The following TRIO variants were observed in gnomAD, a reference collection of about 807,000 sequenced individuals.
TRIO encodes trio Rho guanine nucleotide exchange factor.
A neutral mutation model predicts 351.9 loss-of-function variants in TRIO; 58 were observed. The ratio of observed to expected loss-of-function variants is 0.16; its 90% CI spans 0.13 to 0.21. The LOEUF (loss-of-function observed/expected upper bound fraction) is 0.21. Ranked by LOEUF, TRIO falls within the 10% of genes least tolerant of loss-of-function variation. The probability of loss-of-function intolerance (pLI) is 1.00; values close to 1 mark genes in which losing one functional copy is unlikely to be tolerated. For synonymous variants in TRIO, 1,758 were observed against 1,595.7 expected (o/e 1.10, Z -2.42); for missense variants, 3,201 against 4,027.8 (o/e 0.79, Z 5.56).
chr5:14,386,701 CTTG>C (rs1237554820), intron 21 of TRIO, among the ~76,000 whole-genome samples: 1 of 152,168 alleles, frequency 6.6e-6, no homozygotes, highest in Non-Finnish European at 1.5e-5. Flanking sequence ...GTATATATAA[CTTG>C]TTGTATGGTT....
At chr5:14,340,683 G>C (rs1181140747) in intron 11 of TRIO, among the ~76,000 whole-genome samples, 1 of 152,158 alleles carries the variant, frequency 6.6e-6, no homozygotes. Flanking sequence ...CATTAGCTCA[G>C]GAATCTCTTT....
At chr5:14,245,002 G>A (rs2152239933) in intron 1 of TRIO, among the ~76,000 whole-genome samples, 1 of 152,298 alleles carries the variant, frequency 6.6e-6, no homozygotes, top group Middle Eastern at 3.4e-3. Flanking sequence ...TTGAACATCG[G>A]GAGCTATGCA....
chr5:14,288,474 C>T (rs910640976), intron 4 of TRIO, among the ~76,000 whole-genome samples: 2 of 152,072 alleles, frequency 1.3e-5, no homozygotes, highest in African/African-American at 4.8e-5. Context: ...TGAGACCATC[C>T]TGGCTAACAC....
chr5:14,487,490 A>G lies in TRIO; in HGVS notation c.6862A>G (p.Arg2288Gly). ...NALTSPIEYQ[R>G]NHSGGGGGGG... is the part of the protein sequence containing the mutation. ...CTTGACATCGCCAATCGAGTACCAG[A>G]GGAACCACAGCGGGGGCGGCGGCGG... Residue 2288 changes from arginine (R) to glycine (G), a missense_variant, in exon 48 of 57, where the codon AGG becomes GGG. By Grantham distance (125) the Arg-to-Gly change is moderately radical. Around this residue, in one of 19 missense-constraint regions of TRIO, gnomAD observed 1,089 missense variants for 954.9 expected, o/e 1.14. Transcript: ENST00000344204. The G allele has an allele frequency of 9.2e-7, 1 of 1,085,382 alleles. No homozygotes were observed. The highest frequency in any genetic ancestry group is 7.0e-5 in the East Asian group (1 of 14,334). The allele number at this position is 1,085,382 out of a possible 1,614,324, so 67.2% of individuals were successfully genotyped here.
At chr5:14,275,536 T>C (rs1735414809) in intron 2 of TRIO, among the ~76,000 whole-genome samples, 2 of 151,982 alleles carry the variant, frequency 1.3e-5, no homozygotes, top group Non-Finnish European at 2.9e-5. Context: ...CTAGTTTTTG[T>C]GTTTGCTTTC....
At chr5:14,307,530 G>T (rs1027820291) in intron 8 of TRIO, among the ~76,000 whole-genome samples, 1 of 152,174 alleles carries the variant, frequency 6.6e-6, no homozygotes, top group African/African-American at 2.4e-5. Context: ...TGCCTTTTTG[G>T]CAGTGCATGT....
At chr5:14,273,700 C>T (rs925685779) in intron 2 of TRIO, among the ~76,000 whole-genome samples, 1 of 152,200 alleles carries the variant, frequency 6.6e-6, no homozygotes, top group Non-Finnish European at 1.5e-5. Flanking sequence ...ACTACCAAAC[C>T]TCGTAAAAAT....
At position 14,291,784 on chromosome 5, in the gene TRIO, G is replaced by A. The variant is rs1274434907; in HGVS notation, c.1053+556G>A. Among the ~76,000 whole-genome samples the A allele has an allele frequency of 2.1e-4, 12 of 56,274 alleles. No homozygotes were observed. The East Asian group carries it at 2.1e-3, about 10-fold the overall frequency. The allele number at this position is 56,274 out of a possible 152,430, so 36.9% of individuals were successfully genotyped here. A position where few individuals can be genotyped will look rare whatever the true frequency, so the allele number is the denominator to read the frequency against. The stretch of plus-strand genomic sequence containing the variant: ...GGCCTGGGCGACAGAGTGAGACTCC[G>A]TCTTAAAAAAAAAAAAAAAAAAAAA... On this transcript the variant is annotated intron_variant, in intron 5 of 56. Transcript: ENST00000344204.
chr5:14,355,139 A>C (rs1743499609), intron 11 of TRIO, among the ~76,000 whole-genome samples: 1 of 152,162 alleles, frequency 6.6e-6, no homozygotes, highest in African/African-American at 2.4e-5. Context: ...CCACCCCACC[A>C]CCTGCATGTG....
chr5:14,445,339 A>G (rs563700404), intron 34 of TRIO, among the ~76,000 whole-genome samples: 1 of 152,334 alleles, frequency 6.6e-6, no homozygotes, highest in Admixed American at 6.5e-5. Context: ...CCCCCGCCAA[A>G]TATCTAGTTT....
intron 1 of TRIO, among the ~76,000 whole-genome samples, chr5:14,232,512 C>T (rs1793503741): frequency 6.6e-6 from 1 of 152,184 alleles, no homozygotes; most frequent in East Asian, 1.9e-4. Flanking sequence ...GTCCTGGACT[C>T]TAAGCTCCGC....
At chr5:14,157,092 C>A (rs976192302) in intron 1 of TRIO, among the ~76,000 whole-genome samples, 2 of 150,442 alleles carry the variant, frequency 1.3e-5, no homozygotes, top group African/African-American at 4.9e-5. Context: ...ATGGGTCGAG[C>A]GGACCTTTCT....
At chr5:14,149,684 ATT>A in intron 1 of TRIO, among the ~76,000 whole-genome samples, 1 of 152,178 alleles carries the variant, frequency 6.6e-6, no homozygotes. Flanking sequence ...TGAGTTTTAG[ATT>A]ACTGGCTCTT....
At chr5:14,425,648 A>AACC (rs372708665) in intron 34 of TRIO, among the ~76,000 whole-genome samples, 1 of 152,180 alleles carries the variant, frequency 6.6e-6, no homozygotes, top group East Asian at 1.9e-4. Flanking sequence ...GTTGAAATCT[A>AACC]ACCGCCAATG....
chr5:14,424,260 G>A (rs934971705), intron 34 of TRIO, among the ~76,000 whole-genome samples: 4 of 152,030 alleles, frequency 2.6e-5, no homozygotes, highest in African/African-American at 7.2e-5. Context: ...CAAAACTGCC[G>A]TTTCCTTACA....
intron 10 of TRIO, among the ~76,000 whole-genome samples, chr5:14,335,158 A>G (rs1741279904): frequency 1.3e-5 from 2 of 151,978 alleles, no homozygotes; most frequent in Non-Finnish European, 2.9e-5. Flanking sequence ...TATATTTATA[A>G]CTCCCTTTTC....
chr5:14,397,196 C>T, intron 29 of TRIO, 42 bp downstream of exon 29: 1 of 1,468,824 alleles, frequency 6.8e-7, no homozygotes, highest in Non-Finnish European at 9.3e-7. Flanking sequence ...TATGCAGTTT[C>T]TAATGACACT....
chr5:14,239,331 A>G (rs1220726818), intron 1 of TRIO, among the ~76,000 whole-genome samples: 2 of 151,952 alleles, frequency 1.3e-5, no homozygotes, highest in Non-Finnish European at 2.9e-5. Flanking sequence ...TCTTCCTTCT[A>G]TACTTAGTTG....
At chr5:14,330,349 G>A (rs2152315373) in intron 9 of TRIO, among the ~76,000 whole-genome samples, 1 of 152,302 alleles carries the variant, frequency 6.6e-6, no homozygotes, top group African/African-American at 2.4e-5. Context: ...AAATGACTCT[G>A]TAGTTAAACT....
Sources: gnomAD v4.1 joint callset for allele counts (sites outside exome capture counted in the v4.1 genomes callset) on GRCh38, gnomAD v4.1.1 for gene constraint, gnomAD v4.1.1 regional missense constraint, MANE v1.5 for transcripts, NCBI Gene and HGNC (gene_info 2026-07-23, HGNC 2026-07-21) for gene names.